CRYM: variants seen among roughly 807,000 people sequenced by gnomAD.
CRYM encodes crystallin mu.
A neutral mutation model predicts 32.9 loss-of-function variants in CRYM; 18 were observed. That is an observed-to-expected ratio of 0.55 (90% CI 0.38 to 0.81). The LOEUF is 0.81. Among genes scored for constraint, CRYM ranks in the 30% least tolerant of loss-of-function variants. The probability of loss-of-function intolerance (pLI) is 0.00; values close to 1 mark genes in which losing one functional copy is unlikely to be tolerated. For missense variants in CRYM, 337 were observed against 393.5 expected (o/e 0.86, Z 1.21); for synonymous variants, 153 against 152.4 (o/e 1.00, Z -0.03).
intron 1 of CRYM, chr16:21,302,939 CTG>C (rs1960989683): frequency 6.4e-6 from 1 of 155,062 alleles, no homozygotes; most frequent in Non-Finnish European, 1.4e-5. Context: ...ATACCCAAGA[CTG>C]GGCAATTTAC....
At chr16:21,284,418 A>G (rs1024018542) in intron 1 of CRYM, among the ~76,000 whole-genome samples, 14 of 151,996 alleles carry the variant, frequency 9.2e-5, no homozygotes, top group African/African-American at 3.1e-4. Context: ...CAACACTACC[A>G]TCTAATCCCA....
chr16:21,266,426 C>T (rs2093363814), intron 5 of CRYM, among the ~76,000 whole-genome samples: 1 of 151,942 alleles, frequency 6.6e-6, no homozygotes, highest in Non-Finnish European at 1.5e-5. Flanking sequence ...ATGACAGCAC[C>T]TGCAGTAGTA....
chr16:21,297,735 G>A (rs1259388004), intron 1 of CRYM, among the ~76,000 whole-genome samples: 5 of 152,150 alleles, frequency 3.3e-5, no homozygotes, highest in African/African-American at 1.2e-4. Flanking sequence ...TATTTCCATT[G>A]ACATGTAATT....
chr16:21,298,768 T>C (rs1265869526), intron 1 of CRYM, among the ~76,000 whole-genome samples: 1 of 152,204 alleles, frequency 6.6e-6, no homozygotes, highest in Non-Finnish European at 1.5e-5. Context: ...TGTATTTGCT[T>C]TAAATAATTC....
chr16:21,273,272 A>G (rs2093379898), intron 3 of CRYM, among the ~76,000 whole-genome samples: 1 of 152,206 alleles, frequency 6.6e-6, no homozygotes, highest in African/African-American at 2.4e-5. Context: ...CCTAAATAGA[A>G]GAGAAATGAT....
upstream of CRYM, chr16:21,278,428 T>G (rs1339427203): frequency 6.9e-6 from 5 of 727,676 alleles, no homozygotes; most frequent in African/African-American, 1.7e-5. Context: ...TTCGCCCACC[T>G]CGACCCCTAA....
rs771002147 is a variant in CRYM at position 21,267,669 on chromosome 16, C to CCGTA, written c.554_557dup (p.Val187ThrfsTer30). On this transcript the variant is annotated frameshift_variant, in exon 5 of 8. Coordinates refer to ENST00000572914, the MANE Select transcript of CRYM (RefSeq NM_001376256.1). LOFTEE classifies it high-confidence loss of function. ...CAGCCTCCTGGACCGAAGAACAGAC[C>CCGTA]CGTACCTCTCCTTGCACTGTGTCTG... The CCGTA allele has an allele frequency of 6.2e-7, 1 of 1,614,224 alleles. No homozygotes were observed. The highest frequency in any genetic ancestry group is 1.1e-5 in the South Asian group (1 of 91,088).
chr16:21,288,504 G>C (rs2093411005), intron 1 of CRYM, among the ~76,000 whole-genome samples: 1 of 93,568 alleles, frequency 1.1e-5, no homozygotes, highest in Non-Finnish European at 1.9e-5. Flanking sequence ...TTAATAATTT[G>C]AGGCTTCTTT....
At chr16:21,272,959 C>T (rs1463612801) in intron 3 of CRYM, among the ~76,000 whole-genome samples, 1 of 151,480 alleles carries the variant, frequency 6.6e-6, no homozygotes, top group African/African-American at 2.4e-5. Context: ...TGAGCCACTG[C>T]GCCCAGCCTA....
At position 21,278,283 on chromosome 16, in the gene CRYM, C is replaced by T; in HGVS notation, c.-32G>A. ...ACCTGTGCCTTCTAACCTCAGTCTC[C>T]GCACCGCGATCCACGTACCCTCGGC... On this transcript the variant is annotated 5_prime_UTR_variant, in exon 1 of 8. Transcript: ENST00000572914. 1.3e-6 allele frequency: 2 copies of T among 1,567,492 alleles called. No individual in the cohort carries two copies. Among genetic ancestry groups the T allele is most frequent in the Non-Finnish European group, 1.7e-6 (2 of 1,162,810 alleles).
At chr16:21,275,738 C>G (rs1423769859) in intron 2 of CRYM, 144 bp from the exon 3 acceptor site, 4 of 690,268 alleles carry the variant, frequency 5.8e-6, no homozygotes, top group Non-Finnish European at 1.1e-5. Flanking sequence ...GATCCGATTC[C>G]TCCACTTACG....
chr16:21,274,939 C>A (rs532321609), intron 3 of CRYM, among the ~76,000 whole-genome samples: 1 of 152,150 alleles, frequency 6.6e-6, no homozygotes, highest in Non-Finnish European at 1.5e-5. Context: ...TGTCTACCTC[C>A]CCTGTGTGTG....
At chr16:21,297,945 C>T (rs976170392) in intron 1 of CRYM, among the ~76,000 whole-genome samples, 2 of 152,242 alleles carry the variant, frequency 1.3e-5, no homozygotes, top group African/African-American at 4.8e-5. Flanking sequence ...TTTATGTTCT[C>T]ATGCTAGACC....
At chr16:21,296,958 G>A (rs1960801240) in intron 1 of CRYM, among the ~76,000 whole-genome samples, 1 of 151,886 alleles carries the variant, frequency 6.6e-6, no homozygotes, top group Non-Finnish European at 1.5e-5. Context: ...GCAGTGAGCC[G>A]AGATCGCGCC....
chr16:21,294,515 CT>C (rs1358129312), intron 1 of CRYM, among the ~76,000 whole-genome samples: 6 of 151,878 alleles, frequency 4.0e-5, no homozygotes, highest in Non-Finnish European at 1.5e-5. Flanking sequence ...CCGCCACCCC[CT>C]GACAGGTCTC....
In CRYM at chr16:21,261,351, C is replaced by T. The variant is rs747435856; in HGVS notation, c.796-13G>A. The stretch of plus-strand genomic sequence containing the variant: ...CAAAGATCTCGGCCTAGGAAACAAA[C>T]ATACGCTGACCCAGGCATGAAGCTA... On this transcript the variant is annotated splice_polypyrimidine_tract_variant and intron_variant, in intron 6 of 7. Coordinates refer to ENST00000572914, the MANE Select transcript of CRYM (RefSeq NM_001376256.1). 1 of 1,610,616 alleles carries T rather than the reference C, an allele frequency of 6.2e-7. No individual in the cohort carries two copies. Among genetic ancestry groups the T allele is most frequent in the Non-Finnish European group, 8.5e-7 (1 of 1,177,452 alleles).
intron 5 of CRYM, among the ~76,000 whole-genome samples, chr16:21,263,890 T>G (rs1212119331): frequency 6.6e-6 from 1 of 152,220 alleles, no homozygotes; most frequent in Non-Finnish European, 1.5e-5. Context: ...TTACCACGTG[T>G]GAATGTAGAT....
intron 2 of CRYM, among the ~76,000 whole-genome samples, chr16:21,275,994 C>T (rs748042653): frequency 6.6e-6 from 1 of 152,144 alleles, no homozygotes; most frequent in Non-Finnish European, 1.5e-5. Flanking sequence ...GGACAACGGC[C>T]ATGAAACTCT....
intron 1 of CRYM, chr16:21,300,837 C>T (rs155931): frequency 0.34 from 51,306 of 152,250 alleles, 9,301 homozygotes; most frequent in East Asian, 0.54. Context: ...AACAGGAAGC[C>T]ACACTGGATG....
Sources: allele counts gnomAD v4.1 joint callset (sites outside exome capture counted in the v4.1 genomes callset), GRCh38; gene constraint gnomAD v4.1.1; transcripts MANE v1.5; gene names NCBI Gene and HGNC (gene_info 2026-07-23, HGNC 2026-07-21).